The following MDN1 variants were observed in gnomAD, a reference collection of about 807,000 sequenced individuals.
MDN1 encodes the protein midasin.
In MDN1, 266 loss-of-function variants were observed where a neutral mutation model predicts 669.2. The observed-to-expected ratio is 0.40, with a 90% CI of 0.36 to 0.44. MDN1 has a LOEUF of 0.44. MDN1 is among the 20% of genes least tolerant of loss of function. The probability of loss-of-function intolerance (pLI) is 1.00; values close to 1 mark genes in which losing one functional copy is unlikely to be tolerated. For synonymous variants in MDN1, 2,385 were observed against 2,457.1 expected, an observed-to-expected ratio of 0.97 and a Z score of 0.87; for missense variants, 5,940 against 6,754.0, an observed-to-expected ratio of 0.88 and a Z score of 4.22.
intron 76 of MDN1, 59 bp downstream of exon 76, chr6:89,677,511 G>A: frequency 6.2e-7 from 1 of 1,602,306 alleles, no homozygotes; most frequent in Non-Finnish European, 8.5e-7. Context: ...AGGACAAGGA[G>A]TTCTAAATTA....
intron 15 of MDN1, among the ~76,000 whole-genome samples, chr6:89,766,884 C>T (rs955405179): frequency 1.3e-5 from 2 of 152,132 alleles, no homozygotes; most frequent in African/African-American, 2.4e-5. Flanking sequence ...GGATTGGCTG[C>T]TTTATTACTA....
intron 27 of MDN1, among the ~76,000 whole-genome samples, chr6:89,746,668 T>A (rs1816654081): frequency 6.7e-6 from 1 of 149,370 alleles, no homozygotes; most frequent in South Asian, 2.1e-4. Context: ...TTTAAAAAAG[T>A]ATTCCTCTAT....
Position 89,650,867 on chromosome 6 carries a change from T to C in MDN1, c.15916-20A>G, listed in dbSNP as rs1432685385. 6.3e-7 allele frequency: 1 copy of C among 1,599,666 alleles called. No homozygotes were observed. The highest frequency in any genetic ancestry group is 2.2e-5 in the East Asian group (1 of 44,766). On this transcript the variant is annotated intron_variant, in intron 95 of 101. Coordinates refer to ENST00000369393, the MANE Select transcript of MDN1 (RefSeq NM_014611.3). Reference sequence around the variant, plus strand: ...CTTCTCCTGTGACAACAACAAAATGTAAGTTACCCTCAGAATGTCAGAGCC... The same window carrying C: ...CTTCTCCTGTGACAACAACAAAATGCAAGTTACCCTCAGAATGTCAGAGCC...
chr6:89,690,958 C>T (rs1362833701), intron 63 of MDN1, 124 bp from the exon 64 acceptor site: 1 of 1,174,812 alleles, frequency 8.5e-7, no homozygotes, highest in Non-Finnish European at 1.2e-6. Context: ...TAAAAGCCAA[C>T]ATCCAAGAAA....
chr6:89,794,152 A>T lies in MDN1; in HGVS notation c.610T>A (p.Ser204Thr). Residue 204 changes from serine to threonine, a missense_variant, in exon 4 of 102, where the codon TCA becomes ACA. Physicochemically the swap from Ser to Thr is moderately conservative, Grantham distance 58 (BLOSUM62 1). Transcript: ENST00000369393. Reference sequence around the variant, plus strand: ...CTATTAAATATCTTCTTAAGAAATGATAACTTGTGCTCTTCATTCATACAG... The same window carrying T: ...CTATTAAATATCTTCTTAAGAAATGTTAACTTGTGCTCTTCATTCATACAG... The part of the protein sequence containing the change: ...VTCMNEEHKL[S>T]FLKKIFNSDE... 6.2e-7 allele frequency: 1 copy of T among 1,604,570 alleles called. No homozygotes were observed. Among genetic ancestry groups the T allele is most frequent in the Non-Finnish European group, 8.5e-7 (1 of 1,177,448 alleles).
chr6:89,781,456 G>A lies in MDN1; in HGVS notation c.1586C>T (p.Ser529Leu), dbSNP rs1432790356. 1 of 1,614,114 alleles carries A rather than the reference G, an allele frequency of 6.2e-7. No individual in the cohort carries two copies. The highest frequency in any genetic ancestry group is 1.7e-5 in the Admixed American group (1 of 59,996). ...VGCEQAPEEV[S>L]EARRENKRPT... ...TCTTTTGTTTTCTCTTCTGGCTTCT[G>A]AAACTTCTTCAGGTGCCTGTTCACA... Residue 529 changes from serine (S) to leucine (L), a missense_variant, in exon 10 of 102, where the codon TCA (serine) becomes TTA (leucine). This residue lies in a region of MDN1 where 1,203 missense variants were observed against 1,268.9 expected (regional missense o/e 0.95). Transcript: ENST00000369393.
At chr6:89,745,673 A>T (rs1816571912) in intron 27 of MDN1, 47 bp from the exon 28 acceptor site, 2 of 1,563,268 alleles carry the variant, frequency 1.3e-6, no homozygotes, top group Admixed American at 1.8e-5. Flanking sequence ...TCAAGTGTCT[A>T]CCGGGAACAC....
chr6:89,718,483 G>C lies in MDN1; in HGVS notation c.6466C>G (p.Pro2156Ala), dbSNP rs1223933010. ...AWSHFLLTYK[P>A]KCLGEGGKAI... The stretch of plus-strand genomic sequence containing the variant: ...TTACCACCTTCTCCAAGACACTTAG[G>C]CTTATATGTCAGAAGAAAATGACTC... Residue 2156 changes from proline (P) to alanine (A), a missense_variant, in exon 43 of 102, where the codon CCT becomes GCT. This residue lies in a region of MDN1 where 2,292 missense variants were observed against 2,638.3 expected (regional missense o/e 0.87). Transcript: ENST00000369393. 1.2e-6 allele frequency: 2 copies of C among 1,613,956 alleles called. No homozygotes were observed. Among genetic ancestry groups the C allele is most frequent in the East Asian group, 4.5e-5 (2 of 44,890 alleles).
chr6:89,777,741 C>T (rs146799689), intron 11 of MDN1, among the ~76,000 whole-genome samples: 1 of 152,212 alleles, frequency 6.6e-6, no homozygotes, highest in African/African-American at 2.4e-5. Context: ...AACTAACTAA[C>T]CCCACCTGAC....
At chr6:89,667,864 A>AC in intron 84 of MDN1, 150 bp downstream of exon 84, 1 of 808,180 alleles carries the variant, frequency 1.2e-6, no homozygotes, top group Non-Finnish European at 1.7e-6. Context: ...TTTTATTTAC[A>AC]CCCACTGCCG....
chr6:89,772,485 TG>T, intron 14 of MDN1, 87 bp downstream of exon 14: 1 of 1,467,050 alleles, frequency 6.8e-7, no homozygotes, highest in Non-Finnish European at 9.3e-7. Flanking sequence ...TTAAACTCTG[TG>T]GTCTTTGGAT....
chr6:89,747,301 T>G, intron 27 of MDN1, 28 bp downstream of exon 27: 1 of 1,604,068 alleles, frequency 6.2e-7, no homozygotes, highest in Non-Finnish European at 8.5e-7. Context: ...CATAACTATA[T>G]ATTGAGAGCA....
intron 5 of MDN1, among the ~76,000 whole-genome samples, chr6:89,790,834 A>G (rs1163331249): frequency 6.6e-6 from 1 of 152,226 alleles, no homozygotes; most frequent in African/African-American, 2.4e-5. Context: ...CAGCCTGGCC[A>G]ACGTGGTGAA....
In MDN1 at chr6:89,687,009, C is replaced by T. The variant is rs1304852201; in HGVS notation, c.11465G>A (p.Ser3822Asn). The T allele has an allele frequency of 1.9e-6, 3 of 1,613,236 alleles. No homozygotes were observed. The highest frequency in any genetic ancestry group is 2.5e-6 in the Non-Finnish European group (3 of 1,179,794). The change falls in exon 69 of 102, where the codon AGT (serine) becomes AAT (asparagine). Residue 3822 changes from serine to asparagine, a missense_variant. Physicochemically the swap from Ser to Asn is conservative, Grantham distance 46. Coordinates refer to ENST00000369393, the MANE Select transcript of MDN1 (RefSeq NM_014611.3). ...RKLELNCWSMSLDNTMKRHTE... is the reference protein window; with the variant it reads ...RKLELNCWSMNLDNTMKRHTE... Reference sequence around the variant, plus strand: ...GTGGCGCTTCATAGTATTATCCAAACTCATGGACCAGCAGCTGAAACGAGA... The same window carrying T: ...GTGGCGCTTCATAGTATTATCCAAATTCATGGACCAGCAGCTGAAACGAGA...
chr6:89,803,895 CTTTTTTT>C (rs56246331), intron 1 of MDN1, among the ~76,000 whole-genome samples: 15 of 76,386 alleles, frequency 2.0e-4, no homozygotes, highest in Middle Eastern at 0.016. Context: ...CTTTTCTTTT[CTTTTTTT>C]TTTTTTTTTT....
chr6:89,719,634 T>G (rs539574851), intron 40 of MDN1, among the ~76,000 whole-genome samples: 1 of 152,210 alleles, frequency 6.6e-6, no homozygotes, highest in Non-Finnish European at 1.5e-5. Flanking sequence ...CCACCTCCTA[T>G]GTACCAAACA....
In MDN1 at chr6:89,761,749, C is replaced by G. The variant is rs780709204; in HGVS notation, c.2357-1G>C. 1.8e-5 allele frequency: 28 copies of G among 1,590,240 alleles called. No individual in the cohort carries two copies. The South Asian group carries it at 2.5e-4, about 14-fold the overall frequency. ...TCCCATTTCTCTTTTATGAGTAACCCTAAAAAAGAAAGACAAGAATTCAGC... is the reference window on the plus strand; with the variant it reads ...TCCCATTTCTCTTTTATGAGTAACCGTAAAAAAGAAAGACAAGAATTCAGC... On this transcript the variant is annotated splice_acceptor_variant, in intron 16 of 101. Coordinates refer to ENST00000369393, the MANE Select transcript of MDN1 (RefSeq NM_014611.3). LOFTEE classifies it high-confidence loss of function.
intron 1 of MDN1, among the ~76,000 whole-genome samples, chr6:89,809,722 G>C (rs1460608480): frequency 2.0e-5 from 3 of 150,638 alleles, no homozygotes; most frequent in Non-Finnish European, 4.4e-5. Context: ...GTTGCAGTAA[G>C]CCACGATTCT....
chr6:89,680,542 TG>T, intron 74 of MDN1, 46 bp downstream of exon 74: 3 of 1,596,780 alleles, frequency 1.9e-6, no homozygotes, highest in Non-Finnish European at 2.6e-6. Context: ...CCTGCGCCAC[TG>T]GGGAAAACAG....
Sources: allele counts gnomAD v4.1 joint callset (sites outside exome capture counted in the v4.1 genomes callset), GRCh38; gene constraint gnomAD v4.1.1; regional missense constraint gnomAD v4.1.1; transcripts MANE v1.5; gene names NCBI Gene and HGNC (gene_info 2026-07-23, HGNC 2026-07-21).